The following STAM2 variants were observed in gnomAD, a reference collection of about 807,000 sequenced individuals.
STAM2 encodes signal transducing adaptor molecule 2.
A neutral mutation model predicts 65.6 loss-of-function variants in STAM2; 51 were observed. The observed-to-expected ratio is 0.78, with a 90% CI of 0.62 to 0.98. STAM2 has a LOEUF of 0.98. Ranked by LOEUF, STAM2 falls within the 50% of genes least tolerant of loss-of-function variation. STAM2 has a pLI of 0.00. For synonymous variants in STAM2, 198 were observed against 208.4 expected (o/e 0.95, Z 0.43); for missense variants, 584 against 617.8 (o/e 0.95, Z 0.58).
chr2:152,138,766 T>C (rs183714918), intron 7 of STAM2, among the ~76,000 whole-genome samples: 8 of 152,340 alleles, frequency 5.3e-5, no homozygotes, highest in South Asian at 2.1e-4. Flanking sequence ...CTATGGAAGA[T>C]AGGAAAAATT....
In STAM2 at chr2:152,121,752, T is replaced by C. The variant is rs75064616; in HGVS notation, c.1350-950A>G. On this transcript the variant is annotated intron_variant, in intron 13 of 13. Transcript: ENST00000263904. The stretch of plus-strand genomic sequence containing the variant: ...TGTGGCATACATTTCTCTTAAAATA[T>C]ATATACTTTTGGCTGGAAGCGGTGG... Among the ~76,000 whole-genome samples the C allele has an allele frequency of 2.0e-3, 303 of 152,258 alleles. 3 individuals carry two copies. In the East Asian group the frequency reaches 0.039, roughly 20 times the overall value.
rs191080864 is a variant in STAM2 at position 152,168,165 on chromosome 2, T to A, written c.40+7438A>T. Reference sequence around the variant, plus strand: ...CTACATACTTATATACAAGGCCTATTTTTTTTTTCTTTTGAGATGGAGTCT... The same window carrying A: ...CTACATACTTATATACAAGGCCTATATTTTTTTTCTTTTGAGATGGAGTCT... On this transcript the variant is annotated intron_variant, in intron 1 of 13. Transcript: ENST00000263904. Among the ~76,000 whole-genome samples the A allele has an allele frequency of 4.8e-4, 45 of 94,368 alleles. No individual in the cohort carries two copies. In the East Asian group the frequency reaches 0.015, roughly 31 times the overall value. 61.9% of individuals were successfully genotyped at this position (94,368 alleles called of 152,430 possible). A position where few individuals can be genotyped will look rare whatever the true frequency, so the allele number is the denominator to read the frequency against.
Position 152,147,301 on chromosome 2 carries a change from G to A in STAM2, c.308C>T (p.Pro103Leu). The A allele has an allele frequency of 6.5e-7, 1 of 1,548,378 alleles. No individual in the cohort carries two copies. The highest frequency in any genetic ancestry group is 1.3e-5 in the South Asian group (1 of 78,540). The part of the protein sequence containing the change: ...VRAVIKNKAH[P>L]KVCEKLKSLM... The stretch of plus-strand genomic sequence containing the variant: ...AGATTTCAGTTTTTCACATACTTTA[G>A]GATGTGCCTTTTAAGGAAAAGGAAA... The change falls in exon 5 of 14, where the codon CCT becomes CTT. Residue 103 changes from proline to leucine, a missense_variant. By Grantham distance (98) the Pro-to-Leu change is moderately conservative. Coordinates refer to ENST00000263904, the MANE Select transcript of STAM2 (RefSeq NM_005843.6).
chr2:152,122,078 GTGT>G (rs1688866361), intron 13 of STAM2, among the ~76,000 whole-genome samples: 1 of 93,730 alleles, frequency 1.1e-5, no homozygotes, highest in East Asian at 2.4e-4. Flanking sequence ...ATATATATAT[GTGT>G]GTGTGTGTGT....
chr2:152,126,697 C>A (rs1688969098), intron 11 of STAM2, among the ~76,000 whole-genome samples: 1 of 145,426 alleles, frequency 6.9e-6, no homozygotes, highest in Admixed American at 7.2e-5. Flanking sequence ...GGACCAGAGG[C>A]TACTTCCTTT....
intron 1 of STAM2, among the ~76,000 whole-genome samples, chr2:152,154,426 G>A (rs1228749075): frequency 6.6e-6 from 1 of 152,154 alleles, no homozygotes; most frequent in Non-Finnish European, 1.5e-5. Flanking sequence ...GACCAGCCTG[G>A]GCAACATGGT....
intron 1 of STAM2, among the ~76,000 whole-genome samples, chr2:152,164,607 G>T (rs1329804974): frequency 6.6e-6 from 1 of 152,186 alleles, no homozygotes; most frequent in East Asian, 1.9e-4. Flanking sequence ...CTCCCAAACT[G>T]CTGGGATTAA....
chr2:152,141,832 G>A (rs1221879028), intron 7 of STAM2, among the ~76,000 whole-genome samples: 9 of 151,694 alleles, frequency 5.9e-5, no homozygotes, highest in African/African-American at 1.5e-4. Context: ...CTCGTGATCC[G>A]CCCGCCTCAG....
intron 1 of STAM2, among the ~76,000 whole-genome samples, chr2:152,159,877 C>T (rs1031566523): frequency 5.3e-5 from 8 of 152,230 alleles, no homozygotes; most frequent in African/African-American, 7.2e-5. Flanking sequence ...TGCAGGCGCG[C>T]GCCGCCACGC....
intron 8 of STAM2, among the ~76,000 whole-genome samples, chr2:152,134,501 T>C (rs1301582382): frequency 6.6e-6 from 1 of 152,216 alleles, no homozygotes; most frequent in African/African-American, 2.4e-5. Context: ...TTTTTCTGAA[T>C]GTATCACTCT....
At chr2:152,151,321 AC>A (rs1689442122) in intron 1 of STAM2, among the ~76,000 whole-genome samples, 1 of 151,940 alleles carries the variant, frequency 6.6e-6, no homozygotes, top group South Asian at 2.1e-4. Context: ...AGCTGAGACT[AC>A]AGGCGCCTGC....
In STAM2 at chr2:152,120,753, T is replaced by C. The variant is rs1339542917; in HGVS notation, c.1399A>G (p.Asn467Asp). The stretch of plus-strand genomic sequence containing the variant: ...GTTGTACCAGTAGCTGACTGTAGGT[T>C]AGAGTTCTGGTTCATATAAGTAGGA... ...SNPTYMNQNS[N>D]LQSATGTTAY... The change falls in exon 14 of 14, where the codon AAC becomes GAC. Residue 467 changes from asparagine to aspartate, a missense_variant. Physicochemically the swap from Asn to Asp is conservative, Grantham distance 23 (BLOSUM62 1). Transcript: ENST00000263904. The C allele has an allele frequency of 6.2e-7, 1 of 1,614,208 alleles. No individual in the cohort carries two copies. Among genetic ancestry groups the C allele is most frequent in the Non-Finnish European group, 8.5e-7 (1 of 1,180,044 alleles).
chr2:152,169,754 G>C (rs1689864964), intron 1 of STAM2, among the ~76,000 whole-genome samples: 1 of 152,066 alleles, frequency 6.6e-6, no homozygotes, highest in Non-Finnish European at 1.5e-5. Context: ...TAGAAAATCT[G>C]ACAATGCTCA....
chr2:152,154,178 A>G (rs913963089), intron 1 of STAM2, among the ~76,000 whole-genome samples: 3 of 152,230 alleles, frequency 2.0e-5, no homozygotes, highest in Non-Finnish European at 4.4e-5. Flanking sequence ...AAGGCTCTGC[A>G]TAACTTATTC....
chr2:152,149,925 A>G (rs1689411290), intron 2 of STAM2, among the ~76,000 whole-genome samples: 1 of 152,152 alleles, frequency 6.6e-6, no homozygotes, highest in South Asian at 2.1e-4. Flanking sequence ...AAATGTTGTT[A>G]AGGAAATCAT....
chr2:152,142,038 G>A (rs11893841), intron 7 of STAM2, among the ~76,000 whole-genome samples: 34,874 of 152,028 alleles, frequency 0.23, 4,102 homozygotes, highest in Admixed American at 0.31. Context: ...CCTTTTAACC[G>A]AAGACTGTCA....
At chr2:152,173,308 G>T (rs1228291302) in intron 1 of STAM2, among the ~76,000 whole-genome samples, 1 of 149,362 alleles carries the variant, frequency 6.7e-6, no homozygotes, top group Non-Finnish European at 1.5e-5. Flanking sequence ...GACATCTCAA[G>T]TCAAATAATG....
At chr2:152,146,652 T>C (rs1031090490) in intron 5 of STAM2, among the ~76,000 whole-genome samples, 1 of 152,228 alleles carries the variant, frequency 6.6e-6, no homozygotes, top group African/African-American at 2.4e-5. Context: ...CCTCCTGATA[T>C]GACTTCTTCA....
chr2:152,160,697 T>G (rs1262573194), intron 1 of STAM2, among the ~76,000 whole-genome samples: 4 of 127,676 alleles, frequency 3.1e-5, no homozygotes, highest in African/African-American at 3.1e-5. Context: ...GGGAGGGAGG[T>G]GGGGGGGTCA....
Sources: gnomAD v4.1 joint callset for allele counts (sites outside exome capture counted in the v4.1 genomes callset) on GRCh38, gnomAD v4.1.1 for gene constraint, MANE v1.5 for transcripts, NCBI Gene and HGNC (gene_info 2026-07-23, HGNC 2026-07-21) for gene names.